NAV3: variants seen among roughly 807,000 people sequenced by gnomAD.
The protein encoded by NAV3 is pore membrane and/or filament interacting like protein 1.
A neutral mutation model predicts 244.7 loss-of-function variants in NAV3; 87 were observed. The observed-to-expected ratio is 0.36, with a 90% CI of 0.30 to 0.42. The LOEUF (loss-of-function observed/expected upper bound fraction) is 0.42. NAV3 is among the 20% of genes least tolerant of loss of function. The pLI, the probability that NAV3 is intolerant of heterozygous loss-of-function variation, is 1.00. For synonymous variants in NAV3, 1,126 were observed against 1,042.2 expected (o/e 1.08, Z -1.55); for missense variants, 2,663 against 2,893.3 (o/e 0.92, Z 1.83).
At chr12:77,946,947 G>T (rs899101072) in intron 3 of NAV3, among the ~76,000 whole-genome samples, 1 of 152,036 alleles carries the variant, frequency 6.6e-6, no homozygotes, top group Non-Finnish European at 1.5e-5. Context: ...CAAGTATTAG[G>T]CTATGTAAGA....
chr12:78,103,055 T>A (rs1249170377), intron 12 of NAV3, among the ~76,000 whole-genome samples: 6 of 152,218 alleles, frequency 3.9e-5, no homozygotes, highest in Admixed American at 3.3e-4. Context: ...TGCAGCCAGC[T>A]GAATTTCTCC....
chr12:77,596,775 G>C (rs1250104039), intron 2 of NAV3, among the ~76,000 whole-genome samples: 2 of 152,100 alleles, frequency 1.3e-5, no homozygotes, highest in Non-Finnish European at 2.9e-5. Context: ...GAAGGAGTGG[G>C]CTTGGGTGAC....
In NAV3 at chr12:77,858,240, G is replaced by A. The variant is rs1012713776; in HGVS notation, c.243+26536G>A. 2.6e-5 allele frequency among the ~76,000 whole-genome samples: 4 copies of A among 152,024 alleles called. No individual in the cohort carries two copies. In the East Asian group the frequency reaches 7.7e-4, roughly 29 times the overall value. On this transcript the variant is annotated intron_variant, in intron 1 of 39. Coordinates refer to ENST00000397909, the MANE Select transcript of NAV3 (RefSeq NM_001024383.2). ...TATTTAAAACTCTGGAGTATGGCTT[G>A]AAAAATTCACTGTTCATGGGAGGTG...
At chr12:77,834,469 T>A (rs1245781594) in intron 1 of NAV3, among the ~76,000 whole-genome samples, 2 of 152,206 alleles carry the variant, frequency 1.3e-5, no homozygotes, top group Non-Finnish European at 2.9e-5. Context: ...TTGCAAATAA[T>A]TAAAAGAAAT....
chr12:77,822,109 A>G (rs879357515), intron 2 of NAV3, among the ~76,000 whole-genome samples: 6 of 152,140 alleles, frequency 3.9e-5, no homozygotes, highest in Non-Finnish European at 7.4e-5. Flanking sequence ...GCTTTTCATT[A>G]TACTTTATGG....
chr12:77,663,239 C>T (rs1025745617), intron 2 of NAV3, among the ~76,000 whole-genome samples: 3 of 151,946 alleles, frequency 2.0e-5, no homozygotes, highest in Admixed American at 1.3e-4. Context: ...GCCTGTTTTC[C>T]CCACAGTAAT....
At chr12:77,842,964 A>G (rs1176865099) in intron 1 of NAV3, among the ~76,000 whole-genome samples, 1 of 152,154 alleles carries the variant, frequency 6.6e-6, no homozygotes, top group Non-Finnish European at 1.5e-5. Flanking sequence ...TACAGATTAT[A>G]TATTTCTCTT....
chr12:77,715,730 G>T (rs1353666578), intron 2 of NAV3, among the ~76,000 whole-genome samples: 1 of 151,940 alleles, frequency 6.6e-6, no homozygotes, highest in Non-Finnish European at 1.5e-5. Context: ...GCACATACAG[G>T]CTGAGTATCA....
At chr12:77,937,086 T>G (rs1395401983) in intron 1 of NAV3, among the ~76,000 whole-genome samples, 2 of 152,194 alleles carry the variant, frequency 1.3e-5, no homozygotes. Flanking sequence ...TCAAGTATCT[T>G]TTAAGTATGG....
chr12:78,151,564 A>G (rs1487087672), intron 22 of NAV3, among the ~76,000 whole-genome samples: 1 of 151,992 alleles, frequency 6.6e-6, no homozygotes, highest in African/African-American at 2.4e-5. Context: ...CCATTTATAT[A>G]ACATTCCAGA....
At chr12:78,021,405 C>T (rs1349877514) in intron 8 of NAV3, among the ~76,000 whole-genome samples, 1 of 151,872 alleles carries the variant, frequency 6.6e-6, no homozygotes, top group African/African-American at 2.4e-5. Context: ...TTTCACTATT[C>T]TCACAAAAAA....
At chr12:77,698,098 T>G (rs1418847466) in intron 2 of NAV3, among the ~76,000 whole-genome samples, 1 of 152,082 alleles carries the variant, frequency 6.6e-6, no homozygotes, top group Non-Finnish European at 1.5e-5. Flanking sequence ...GAATGTGGTA[T>G]CTAAAGGCGA....
At chr12:77,752,178 C>T (rs1211122456) in intron 2 of NAV3, among the ~76,000 whole-genome samples, 1 of 152,112 alleles carries the variant, frequency 6.6e-6, no homozygotes, top group Non-Finnish European at 1.5e-5. Context: ...CTTACCATTG[C>T]CAAACCCACA....
chr12:78,063,846 G>C (rs1884630963), intron 12 of NAV3, among the ~76,000 whole-genome samples: 1 of 152,128 alleles, frequency 6.6e-6, no homozygotes, highest in Non-Finnish European at 1.5e-5. Flanking sequence ...ATGGGATTCT[G>C]AAGTGCACTG....
At chr12:77,692,046 C>T (rs1017329214) in intron 2 of NAV3, among the ~76,000 whole-genome samples, 4 of 151,922 alleles carry the variant, frequency 2.6e-5, no homozygotes, top group African/African-American at 9.7e-5. Flanking sequence ...AGATGATACC[C>T]TGTATTTGTA....
At chr12:78,065,733 A>G (rs1254522891) in intron 12 of NAV3, among the ~76,000 whole-genome samples, 5 of 152,128 alleles carry the variant, frequency 3.3e-5, no homozygotes, top group Non-Finnish European at 7.4e-5. Flanking sequence ...TTGAAACAAT[A>G]AAGGGAGATC....
chr12:78,161,779 T>C (rs987629758), intron 23 of NAV3, among the ~76,000 whole-genome samples: 2 of 152,146 alleles, frequency 1.3e-5, no homozygotes, highest in African/African-American at 4.8e-5. Context: ...GTTTATTAAT[T>C]TGAGATTATA....
chr12:77,854,282 T>A (rs1878012471), intron 1 of NAV3, among the ~76,000 whole-genome samples: 1 of 152,190 alleles, frequency 6.6e-6, no homozygotes, highest in South Asian at 2.1e-4. Context: ...TTTCTGTTGA[T>A]TCAGCTTAGA....
chr12:77,903,881 G>T (rs1363722022), intron 1 of NAV3, among the ~76,000 whole-genome samples: 1 of 152,178 alleles, frequency 6.6e-6, no homozygotes, highest in African/African-American at 2.4e-5. Flanking sequence ...GCAGCCAAAA[G>T]ACACATGAAA....
Sources: gnomAD v4.1 joint callset for allele counts (sites outside exome capture counted in the v4.1 genomes callset) on GRCh38, gnomAD v4.1.1 for gene constraint, MANE v1.5 for transcripts, NCBI Gene and HGNC (gene_info 2026-07-23, HGNC 2026-07-21) for gene names.